Variants in MAN1A2 observed in about 807,000 individuals in gnomAD.
The protein encoded by MAN1A2 is mannosyl-oligosaccharide 1,2-alpha-mannosidase IB.
In MAN1A2, 26 loss-of-function variants were observed where a neutral mutation model predicts 75.7. That is an observed-to-expected ratio of 0.34 (90% CI 0.25 to 0.48). The LOEUF is 0.48. Among genes scored for constraint, MAN1A2 ranks in the 20% least tolerant of loss-of-function variants. MAN1A2 has a pLI of 0.99. For synonymous variants in MAN1A2, 247 were observed against 264.6 expected (o/e 0.93, Z 0.65); for missense variants, 562 against 775.5 (o/e 0.72, Z 3.27).
rs1334501573 is a variant in MAN1A2 at position 117,368,443 on chromosome 1, C to T, written c.260C>T (p.Pro87Leu). ...HVDAGKGAKN[P>L]GVFLIHGPDE... is the part of the protein sequence containing the mutation. ...GATGCCGGTAAAGGGGCTAAAAACCCCGGAGTCTTCCTGATCCATGGACCC... is the reference window on the plus strand; with the variant it reads ...GATGCCGGTAAAGGGGCTAAAAACCTCGGAGTCTTCCTGATCCATGGACCC... The change falls in exon 1 of 13, where the codon CCC (proline) becomes CTC (leucine). Residue 87 changes from proline to leucine, a missense_variant. Physicochemically the swap from Pro to Leu is moderately conservative, Grantham distance 98. Coordinates refer to ENST00000356554, the MANE Select transcript of MAN1A2 (RefSeq NM_006699.5). 2 of 1,613,626 alleles carry T rather than the reference C, an allele frequency of 1.2e-6. No homozygotes were observed. Among genetic ancestry groups the T allele is most frequent in the Non-Finnish European group, 1.7e-6 (2 of 1,179,898 alleles).
At chr1:117,492,658 G>A (rs1446146808) in intron 8 of MAN1A2, among the ~76,000 whole-genome samples, 2 of 151,926 alleles carry the variant, frequency 1.3e-5, no homozygotes, top group African/African-American at 4.8e-5. Flanking sequence ...GAATTCTTGG[G>A]CTTTTTTTCT....
At chr1:117,417,357 T>C (rs1648027217) in intron 4 of MAN1A2, among the ~76,000 whole-genome samples, 1 of 151,606 alleles carries the variant, frequency 6.6e-6, no homozygotes, top group Admixed American at 6.6e-5. Context: ...TATGATAACA[T>C]ATTTGGAGTT....
At chr1:117,493,349 T>G in intron 9 of MAN1A2, 87 bp downstream of exon 9, 1 of 728,776 alleles carries the variant, frequency 1.4e-6, no homozygotes, top group Non-Finnish European at 2.3e-6. Context: ...TATAACCATT[T>G]TATTATAGAC....
At chr1:117,500,397 G>A (rs1482868571) in intron 11 of MAN1A2, among the ~76,000 whole-genome samples, 8 of 151,846 alleles carry the variant, frequency 5.3e-5, no homozygotes, top group Admixed American at 2.6e-4. Flanking sequence ...TCTTCTACCT[G>A]CAAAAGCTCC....
intron 1 of MAN1A2, among the ~76,000 whole-genome samples, chr1:117,387,864 T>A (rs1192631472): frequency 6.6e-6 from 1 of 152,086 alleles, no homozygotes; most frequent in Non-Finnish European, 1.5e-5. Context: ...CCATGTGTGC[T>A]TGTGAAGAAA....
intron 2 of MAN1A2, among the ~76,000 whole-genome samples, chr1:117,404,169 G>A (rs1443470320): frequency 2.0e-5 from 3 of 152,176 alleles, no homozygotes; most frequent in Non-Finnish European, 2.9e-5. Flanking sequence ...TTTTTCTTAA[G>A]GAATTTTGCA....
Position 117,368,118 on chromosome 1 carries a change from T to A in MAN1A2, c.-66T>A. On this transcript the variant is annotated 5_prime_UTR_variant, in exon 1 of 13. Transcript: ENST00000356554. ...TTTTGGCCAAGATTTTGAAGACAGT[T>A]CAATGTATTCTACATTTGACATAAG... 1 of 1,446,370 alleles carries A rather than the reference T, an allele frequency of 6.9e-7. No homozygotes were observed. Among genetic ancestry groups the A allele is most frequent in the Admixed American group, 2.2e-5 (1 of 44,890 alleles). 89.6% of individuals were successfully genotyped at this position (1,446,370 alleles called of 1,614,324 possible).
intron 8 of MAN1A2, among the ~76,000 whole-genome samples, chr1:117,490,859 G>A (rs1294765167): frequency 6.6e-6 from 1 of 152,070 alleles, no homozygotes; most frequent in East Asian, 1.9e-4. Context: ...AGTCTGAATG[G>A]TCTGGGTACC....
intron 12 of MAN1A2, among the ~76,000 whole-genome samples, chr1:117,522,049 C>T (rs533109401): frequency 4.6e-4 from 70 of 151,566 alleles, no homozygotes; most frequent in Middle Eastern, 3.4e-3. Flanking sequence ...GGGAGGGTGG[C>T]GAGGGATAAA....
At chr1:117,462,979 T>C (rs752946990) in intron 7 of MAN1A2, among the ~76,000 whole-genome samples, 2 of 152,060 alleles carry the variant, frequency 1.3e-5, no homozygotes, top group Non-Finnish European at 2.9e-5. Context: ...AGAGTCGAGA[T>C]ATATATGTAT....
chr1:117,388,069 A>G (rs375579938), intron 1 of MAN1A2, among the ~76,000 whole-genome samples: 6 of 150,548 alleles, frequency 4.0e-5, no homozygotes, highest in East Asian at 3.9e-4. Flanking sequence ...ACAAACATTT[A>G]CTCTATAATT....
At chr1:117,519,668 G>A (rs1018975797) in intron 12 of MAN1A2, among the ~76,000 whole-genome samples, 6 of 151,764 alleles carry the variant, frequency 4.0e-5, no homozygotes, top group South Asian at 2.1e-4. Flanking sequence ...GAGAAGCAGC[G>A]AAATTGAAAT....
chr1:117,450,452 A>C (rs766997696), intron 6 of MAN1A2, among the ~76,000 whole-genome samples: 3 of 152,210 alleles, frequency 2.0e-5, no homozygotes, highest in Admixed American at 1.3e-4. Flanking sequence ...AGAAAAGAAA[A>C]GCCCGTTTTC....
intron 1 of MAN1A2, among the ~76,000 whole-genome samples, chr1:117,370,735 T>C (rs1389950399): frequency 1.6e-5 from 1 of 61,374 alleles, no homozygotes; most frequent in African/African-American, 6.4e-5. Flanking sequence ...TTTATCTTCA[T>C]TTAGTGTGTG....
intron 6 of MAN1A2, among the ~76,000 whole-genome samples, chr1:117,448,332 A>G (rs968211506): frequency 1.2e-4 from 19 of 152,240 alleles, no homozygotes; most frequent in Non-Finnish European, 2.2e-4. Context: ...AAATTACTTT[A>G]CTTTATGGCA....
intron 7 of MAN1A2, among the ~76,000 whole-genome samples, chr1:117,461,693 A>T (rs983822816): frequency 2.9e-4 from 44 of 152,190 alleles, no homozygotes; most frequent in Non-Finnish European, 5.3e-4. Flanking sequence ...ATAAAAATTT[A>T]AAAATACAAA....
In MAN1A2 at chr1:117,496,852, G is replaced by A. The variant is rs759640717; in HGVS notation, c.1374G>A (p.Gly458=). ...ATGGGCACTTGGAAAAAAAGATGGG[G>A]CATTTGGCCTGCTTTGCTGGGGGAA... ...WKNGHLEKKM[G]HLACFAGGMF... is the part of the protein sequence containing the mutation. The change falls in exon 10 of 13, where the codon GGG becomes GGA. Residue 458 remains glycine, a synonymous_variant. Transcript: ENST00000356554. 3.1e-6 allele frequency: 5 copies of A among 1,612,684 alleles called. No individual in the cohort carries two copies. The highest frequency in any genetic ancestry group is 2.7e-5 in the African/African-American group (2 of 74,920).
intron 1 of MAN1A2, among the ~76,000 whole-genome samples, chr1:117,386,573 T>A (rs1653530625): frequency 6.6e-6 from 1 of 152,184 alleles, no homozygotes; most frequent in Admixed American, 6.5e-5. Context: ...ATTACTAGCT[T>A]CCTTTGCTTC....
intron 5 of MAN1A2, among the ~76,000 whole-genome samples, chr1:117,424,258 C>T (rs1648294479): frequency 6.6e-6 from 1 of 152,038 alleles, no homozygotes; most frequent in African/African-American, 2.4e-5. Flanking sequence ...TTTTTCTTGC[C>T]TTACTGCATT....
Sources: allele counts gnomAD v4.1 joint callset (sites outside exome capture counted in the v4.1 genomes callset), GRCh38; gene constraint gnomAD v4.1.1; transcripts MANE v1.5; gene names NCBI Gene and HGNC (gene_info 2026-07-23, HGNC 2026-07-21).